The following ZNF407 variants were observed in gnomAD, a reference collection of about 807,000 sequenced individuals.
ZNF407 encodes zinc finger protein 407.
Under a neutral mutation model 131.2 loss-of-function variants are expected in ZNF407, and 17 were observed. That is an observed-to-expected ratio of 0.13 (90% CI 0.09 to 0.19). The LOEUF is 0.19. Among genes scored for constraint, ZNF407 ranks in the 10% least tolerant of loss-of-function variants. ZNF407 has a pLI of 1.00. For synonymous variants in ZNF407, 1,156 were observed against 1,062.0 expected (o/e 1.09, Z -1.72); for missense variants, 2,681 against 2,830.6 (o/e 0.95, Z 1.20).
At chr18:74,863,065 C>G (rs532950505) in intron 4 of ZNF407, among the ~76,000 whole-genome samples, 2 of 151,974 alleles carry the variant, frequency 1.3e-5, no homozygotes, top group African/African-American at 4.8e-5. Flanking sequence ...GGATTACAGG[C>G]ACACACCACT....
chr18:74,850,969 A>G (rs1970774787), intron 4 of ZNF407, among the ~76,000 whole-genome samples: 2 of 152,208 alleles, frequency 1.3e-5, no homozygotes, highest in Admixed American at 6.5e-5. Context: ...TTCAAACTGT[A>G]TATCTGGAGG....
intron 3 of ZNF407, among the ~76,000 whole-genome samples, chr18:74,727,507 C>T (rs1474361515): frequency 6.6e-6 from 1 of 152,170 alleles, no homozygotes; most frequent in African/African-American, 2.4e-5. Context: ...TAATGCAGTA[C>T]ATTGCTGTTT....
At chr18:74,975,253 T>C (rs1482831505) in intron 8 of ZNF407, among the ~76,000 whole-genome samples, 1 of 152,228 alleles carries the variant, frequency 6.6e-6, no homozygotes, top group African/African-American at 2.4e-5. Context: ...AGCATTGGCT[T>C]GTACAGTAGC....
At chr18:74,970,717 G>A (rs1379146506) in intron 8 of ZNF407, among the ~76,000 whole-genome samples, 2 of 152,182 alleles carry the variant, frequency 1.3e-5, no homozygotes, top group Admixed American at 6.5e-5. Context: ...AGTGTCTGTG[G>A]CATTTCCAGG....
At chr18:75,013,271 G>A (rs998093317) in intron 8 of ZNF407, among the ~76,000 whole-genome samples, 15 of 152,032 alleles carry the variant, frequency 9.9e-5, no homozygotes, top group African/African-American at 3.1e-4. Context: ...AGAGAAACTC[G>A]TTTTTCTCTT....
At chr18:74,741,332 A>G (rs562711071) in intron 3 of ZNF407, among the ~76,000 whole-genome samples, 1 of 151,848 alleles carries the variant, frequency 6.6e-6, no homozygotes, top group Middle Eastern at 3.4e-3. Flanking sequence ...GTGACGTGTT[A>G]TAAATATAAA....
At chr18:74,970,511 AGG>A (rs986575373) in intron 8 of ZNF407, among the ~76,000 whole-genome samples, 4 of 152,156 alleles carry the variant, frequency 2.6e-5, no homozygotes, top group African/African-American at 9.7e-5. Context: ...GCCAAAACAA[AGG>A]GGTTACAGGG....
chr18:75,001,265 T>G (rs1972842433), intron 8 of ZNF407, among the ~76,000 whole-genome samples: 1 of 152,174 alleles, frequency 6.6e-6, no homozygotes, highest in African/African-American at 2.4e-5. Context: ...TTGGAAAAAT[T>G]AGTAAATGGG....
At chr18:74,600,851 T>G (rs1355914098) in intron 1 of ZNF407, among the ~76,000 whole-genome samples, 2 of 152,070 alleles carry the variant, frequency 1.3e-5, no homozygotes, top group Non-Finnish European at 2.9e-5. Flanking sequence ...CTTGAAGAAA[T>G]GTAGGCAGCA....
intron 3 of ZNF407, among the ~76,000 whole-genome samples, chr18:74,758,014 A>G (rs1969004618): frequency 6.6e-6 from 1 of 151,938 alleles, no homozygotes; most frequent in African/African-American, 2.4e-5. Context: ...AACTTACTTG[A>G]GTCTTTGAAT....
chr18:74,641,222 A>C, intron 3 of ZNF407, 100 bp downstream of exon 3: 1 of 825,258 alleles, frequency 1.2e-6, no homozygotes, highest in East Asian at 2.5e-5. Context: ...GAGTGGCTAA[A>C]ATTATGCATG....
chr18:74,956,316 G>T (rs888289294), intron 8 of ZNF407, among the ~76,000 whole-genome samples: 1 of 151,872 alleles, frequency 6.6e-6, no homozygotes, highest in African/African-American at 2.4e-5. Flanking sequence ...TGGCCCACGT[G>T]TGCCCACAAC....
chr18:74,881,764 T>C (rs1971241762), intron 6 of ZNF407, among the ~76,000 whole-genome samples: 1 of 152,228 alleles, frequency 6.6e-6, no homozygotes, highest in African/African-American at 2.4e-5. Flanking sequence ...TGGTGATTCA[T>C]TGAAATAAAA....
In ZNF407 at chr18:74,888,038, T is replaced by C. The variant is rs1599222460; in HGVS notation, c.5129-1880T>C. 2.0e-5 allele frequency among the ~76,000 whole-genome samples: 3 copies of C among 152,326 alleles called. 1 individual carries two copies. The highest frequency in any genetic ancestry group is 1.5e-5 in the Non-Finnish European group (1 of 68,018). ...TTCAGGACAGATACGGTTTTGTTGA[T>C]AGCCAAATTGATAAAGAGTAATTTT... is the stretch of plus-strand genomic sequence containing the variant. On this transcript the variant is annotated intron_variant, in intron 6 of 8. Transcript: ENST00000299687.
rs145521342 is a variant in ZNF407, at chr18:75,027,419, T to C, written c.5429-35731T>C. 7.0e-4 allele frequency among the ~76,000 whole-genome samples: 106 copies of C among 152,256 alleles called. 1 individual carries two copies. The highest frequency in any genetic ancestry group is 2.5e-3 in the African/African-American group (103 of 41,544). ...TAGAATTAGGAGACTAGTTAGGAGATATTGGCTGCGATCAGGAAGACAGAG... is the reference window on the plus strand; with the variant it reads ...TAGAATTAGGAGACTAGTTAGGAGACATTGGCTGCGATCAGGAAGACAGAG... On this transcript the variant is annotated intron_variant, in intron 8 of 8. Coordinates refer to ENST00000299687, the MANE Select transcript of ZNF407 (RefSeq NM_017757.3).
intron 8 of ZNF407, among the ~76,000 whole-genome samples, chr18:74,962,543 T>C (rs1455662003): frequency 6.6e-6 from 1 of 152,244 alleles, no homozygotes; most frequent in Non-Finnish European, 1.5e-5. Flanking sequence ...CCGCCACTCT[T>C]GGGCTCATTC....
At chr18:74,984,793 A>C (rs1434405711) in intron 8 of ZNF407, among the ~76,000 whole-genome samples, 1 of 152,234 alleles carries the variant, frequency 6.6e-6, no homozygotes, top group Admixed American at 6.5e-5. Context: ...CAGGGATCAA[A>C]GATGGTGAAG....
At chr18:75,044,749 A>G (rs183605293) in intron 8 of ZNF407, among the ~76,000 whole-genome samples, 37 of 152,328 alleles carry the variant, frequency 2.4e-4, no homozygotes, top group African/African-American at 8.7e-4. Context: ...CTAAAGCAAT[A>G]TGATGTTTGA....
chr18:74,662,958 G>GTAT (rs1985776495), intron 3 of ZNF407, among the ~76,000 whole-genome samples: 1 of 152,210 alleles, frequency 6.6e-6, no homozygotes, highest in African/African-American at 2.4e-5. Flanking sequence ...AATTGCAACT[G>GTAT]TATTTCTGTA....
Sources: gnomAD v4.1 joint callset for allele counts (sites outside exome capture counted in the v4.1 genomes callset) on GRCh38, gnomAD v4.1.1 for gene constraint, MANE v1.5 for transcripts, NCBI Gene and HGNC (gene_info 2026-07-23, HGNC 2026-07-21) for gene names.